Variants in ZNF217 observed in about 807,000 individuals in gnomAD.
ZNF217 encodes the protein zinc finger protein 217.
ZNF217 carries 12 observed loss-of-function variants against 73.3 expected under a neutral mutation model. That is an observed-to-expected ratio of 0.16 (90% CI 0.10 to 0.27). The LOEUF is 0.27. Ranked by LOEUF, ZNF217 falls within the 10% of genes least tolerant of loss-of-function variation. The pLI is 1.00. For missense variants in ZNF217, 1,195 were observed against 1,327.8 expected, an observed-to-expected ratio of 0.90 and a Z score of 1.55; for synonymous variants, 588 against 516.4, an observed-to-expected ratio of 1.14 and a Z score of -1.88.
chr20:53,594,153 C>T (rs1988990522), upstream of ZNF217, among the ~76,000 whole-genome samples: 1 of 149,652 alleles, frequency 6.7e-6, no homozygotes, highest in East Asian at 2.0e-4. Context: ...CGCACGGGGG[C>T]AAAGGCGCGG....
chr20:53,595,047 A>C (rs398089059), upstream of ZNF217, among the ~76,000 whole-genome samples: 6 of 9,460 alleles, frequency 6.3e-4, no homozygotes, highest in Non-Finnish European at 6.7e-4. Flanking sequence ...AAAAAGGGAC[A>C]AAAAAAAAAA....
rs191012722 is a variant in ZNF217, at chr20:53,567,442, C to T, written c.*1846G>A. The T allele has an allele frequency of 2.1e-4, 32 of 152,552 alleles. No homozygotes were observed. Among genetic ancestry groups the T allele is most frequent in the African/African-American group, 6.3e-4 (26 of 41,480 alleles). 9.4% of individuals were successfully genotyped at this position (152,552 alleles called of 1,614,324 possible). A position where few individuals can be genotyped will look rare whatever the true frequency, so the allele number is the denominator to read the frequency against. On this transcript the variant is annotated 3_prime_UTR_variant, in exon 6 of 6. Coordinates refer to ENST00000371471, the MANE Select transcript of ZNF217 (RefSeq NM_006526.3). The stretch of plus-strand genomic sequence containing the variant: ...CAAAAAATTCCAGCATAATACAAAT[C>T]GACTTGTTTTCAAATAGATTTGGTG...
upstream of ZNF217, among the ~76,000 whole-genome samples, chr20:53,594,379 C>T (rs1338793337): frequency 6.7e-6 from 1 of 150,246 alleles, no homozygotes; most frequent in East Asian, 1.9e-4. Context: ...CGGCCACGCC[C>T]CACACCGCCC....
chr20:53,575,841 A>C lies in ZNF217; in HGVS notation c.2923T>G (p.Ser975Ala). The change falls in exon 4 of 6, where the codon TCC (serine) becomes GCC (alanine). Residue 975 changes from serine (S) to alanine (A), a missense_variant. Physicochemically the swap from Ser to Ala is moderately conservative, Grantham distance 99. Transcript: ENST00000371471. The part of the protein sequence containing the change: ...ALPPKPRFLS[S>A]SEVDSPNVLT... ...ACATTTGGAGAATCGACCTCGCTGG[A>C]GCTCAGGAACCTTGGTTTGGGAGGC... is the stretch of plus-strand genomic sequence containing the variant. 1 of 1,614,192 alleles carries C rather than the reference A, an allele frequency of 6.2e-7. No individual in the cohort carries two copies. Among genetic ancestry groups the C allele is most frequent in the Non-Finnish European group, 8.5e-7 (1 of 1,180,036 alleles).
chr20:53,571,994 T>C (rs1168768795), intron 4 of ZNF217, 141 bp from the exon 5 acceptor site: 3 of 805,528 alleles, frequency 3.7e-6, no homozygotes, highest in East Asian at 6.2e-5. Flanking sequence ...ATGCAAGTGT[T>C]TTCAGTTACA....
Position 53,581,869 on chromosome 20 carries a change from C to T in ZNF217, c.958G>A (p.Gly320Arg). The T allele has an allele frequency of 6.2e-7, 1 of 1,614,256 alleles. No homozygotes were observed. The highest frequency in any genetic ancestry group is 8.5e-7 in the Non-Finnish European group (1 of 1,180,044). ...CTCGAATCGTCGTTGTCGGTGCTCC[C>T]TTCTTGCCCCGATTCCTTCACTTCT... ...CQEVKESGQE[G>R]STDNDDSSSE... Residue 320 changes from glycine to arginine, a missense_variant, in exon 2 of 6, where the codon GGG becomes AGG. Coordinates refer to ENST00000371471, the MANE Select transcript of ZNF217 (RefSeq NM_006526.3). This position sits in a 1 kb window ranked among gnomAD's most constrained non-coding sequence, Gnocchi z 4.9.
In ZNF217 at chr20:53,576,007, T is replaced by A. The variant is rs772531436; in HGVS notation, c.2757A>T (p.Arg919Ser). 6 of 1,614,194 alleles carry A rather than the reference T, an allele frequency of 3.7e-6. No homozygotes were observed. Among genetic ancestry groups the A allele is most frequent in the Admixed American group, 1.7e-5 (1 of 60,026 alleles). The change falls in exon 4 of 6, where the codon AGA becomes AGT. Residue 919 changes from arginine to serine, a missense_variant. By Grantham distance (110) the Arg-to-Ser change is moderately radical (BLOSUM62 -1). Around this residue, in one of 9 missense-constraint regions of ZNF217, gnomAD observed 649 missense variants for 642.8 expected, o/e 1.01. Transcript: ENST00000371471. ...AAEFGEPLPK[R>S]LKSSVVALDV... is the part of the protein sequence containing the mutation. ...CAAGGGCAACCACGCTGGACTTCAG[T>A]CTTTTTGGAAGGGGCTCACCAAATT...
rs766301782 is a variant in ZNF217, at chr20:53,575,711, G to GC, written c.3037+15dup. ...CTGTAGGCAGCCATTTAAACACGAC[G>GC]CCCCTCATGCAATACCTTCTAACGT... is the stretch of plus-strand genomic sequence containing the variant. On this transcript the variant is annotated intron_variant, in intron 4 of 5. Coordinates refer to ENST00000371471, the MANE Select transcript of ZNF217 (RefSeq NM_006526.3). The GC allele has an allele frequency of 6.5e-7, 1 of 1,540,674 alleles. No homozygotes were observed. Among genetic ancestry groups the GC allele is most frequent in the Non-Finnish European group, 8.7e-7 (1 of 1,146,448 alleles).
chr20:53,575,836 G>C lies in ZNF217; in HGVS notation c.2928C>G (p.Ser976Arg). ...TCAGCACATTTGGAGAATCGACCTC[G>C]CTGGAGCTCAGGAACCTTGGTTTGG... is the stretch of plus-strand genomic sequence containing the variant. ...LPPKPRFLSS[S>R]EVDSPNVLTV... Residue 976 changes from serine (S) to arginine (R), a missense_variant, in exon 4 of 6, where the codon AGC becomes AGG. Around this residue, in one of 9 missense-constraint regions of ZNF217, gnomAD observed 649 missense variants for 642.8 expected, o/e 1.01. Coordinates refer to ENST00000371471, the MANE Select transcript of ZNF217 (RefSeq NM_006526.3). The C allele has an allele frequency of 6.2e-7, 1 of 1,614,190 alleles. No individual in the cohort carries two copies. The highest frequency in any genetic ancestry group is 1.7e-5 in the Admixed American group (1 of 60,022).
At chr20:53,583,885 A>G (rs368227805) in intron 1 of ZNF217, among the ~76,000 whole-genome samples, 5 of 152,244 alleles carry the variant, frequency 3.3e-5, no homozygotes, top group Admixed American at 6.5e-5. Flanking sequence ...TCTGCCTTCA[A>G]CAAGCACTGG....
rs1220051848 is a variant in ZNF217 at position 53,567,686 on chromosome 20, G to A, written c.*1602C>T. The A allele has an allele frequency of 2.6e-5, 4 of 152,568 alleles. No individual in the cohort carries two copies. The highest frequency in any genetic ancestry group is 9.7e-5 in the African/African-American group (4 of 41,426). 9.5% of individuals were successfully genotyped at this position (152,568 alleles called of 1,614,324 possible). Reference sequence around the variant, plus strand: ...AGATTATGTACATATGGCTCAGCTTGTGAACAGGAAAAAAGGTCAATAGTG... The same window carrying A: ...AGATTATGTACATATGGCTCAGCTTATGAACAGGAAAAAAGGTCAATAGTG... On this transcript the variant is annotated 3_prime_UTR_variant, in exon 6 of 6. Transcript: ENST00000371471.
intron 1 of ZNF217, among the ~76,000 whole-genome samples, chr20:53,584,686 T>C (rs140399574): frequency 0.011 from 1,716 of 152,346 alleles, 32 homozygotes; most frequent in African/African-American, 0.039. Flanking sequence ...GGTTAAACTA[T>C]AGGATGGCCT....
chr20:53,572,427 A>G (rs1988052187), intron 4 of ZNF217, among the ~76,000 whole-genome samples: 3 of 147,770 alleles, frequency 2.0e-5, no homozygotes, highest in Non-Finnish European at 3.0e-5. Context: ...GAGGAGGGGA[A>G]AAAAAAAAGA....
intron 3 of ZNF217, 83 bp from the exon 4 acceptor site, chr20:53,577,363 G>A: frequency 8.0e-7 from 1 of 1,248,738 alleles, no homozygotes; most frequent in Non-Finnish European, 1.1e-6. Flanking sequence ...AAGAAAACAG[G>A]CTTCTTTCCT....
intron 1 of ZNF217, among the ~76,000 whole-genome samples, chr20:53,589,422 T>C (rs1988805957): frequency 6.6e-6 from 1 of 152,240 alleles, no homozygotes; most frequent in Non-Finnish European, 1.5e-5. Context: ...GTAATGGAGA[T>C]GTTCAGAACA....
In ZNF217 at chr20:53,578,361, G is replaced by T; in HGVS notation, c.1456C>A (p.Leu486Ile). The change falls in exon 3 of 6, where the codon CTC becomes ATC. Residue 486 changes from leucine to isoleucine, a missense_variant. This residue lies in a region of ZNF217 where 116 missense variants were observed against 121.9 expected (regional missense o/e 0.95). Coordinates refer to ENST00000371471, the MANE Select transcript of ZNF217 (RefSeq NM_006526.3). ...CGKFFRSNYY[L>I]NIHLRTHTGE... ...GTATGCGTTCTGAGATGAATATTGA[G>T]GTAATAATTTGAACGGAAAAACTTT... The T allele has an allele frequency of 1.3e-6, 2 of 1,595,016 alleles. No individual in the cohort carries two copies. Among genetic ancestry groups the T allele is most frequent in the Admixed American group, 1.8e-5 (1 of 55,782 alleles).
chr20:53,584,852 C>T (rs368037189), intron 1 of ZNF217, among the ~76,000 whole-genome samples: 1 of 152,072 alleles, frequency 6.6e-6, no homozygotes, highest in East Asian at 1.9e-4. Context: ...TGAATGCTAG[C>T]GTCCCAGGCA....
chr20:53,577,367 C>A, intron 3 of ZNF217, 87 bp from the exon 4 acceptor site: 1 of 1,214,068 alleles, frequency 8.2e-7, no homozygotes, highest in Non-Finnish European at 1.1e-6. Context: ...AAACAGGCTT[C>A]TTTCCTCCTT....
At chr20:53,594,101 G>A (rs994754313), upstream of ZNF217, among the ~76,000 whole-genome samples, 1 of 149,948 alleles carries the variant, frequency 6.7e-6, no homozygotes, top group Non-Finnish European at 1.5e-5. Flanking sequence ...TAGGGGCCGG[G>A]CTCACCTCGG....
Sources: gnomAD v4.1 joint callset for allele counts (sites outside exome capture counted in the v4.1 genomes callset) on GRCh38, gnomAD v4.1.1 for gene constraint, gnomAD v4.1.1 regional missense constraint, Gnocchi (gnomAD v3.1) non-coding constraint, MANE v1.5 for transcripts, NCBI Gene and HGNC (gene_info 2026-07-23, HGNC 2026-07-21) for gene names.